Variants in MID1 observed in about 807,000 individuals in gnomAD.
MID1 encodes the protein E3 ubiquitin-protein ligase Midline-1.
A neutral mutation model predicts 40.4 loss-of-function variants in MID1; 7 were observed. The observed-to-expected ratio is 0.17, with a 90% CI of 0.10 to 0.33. The LOEUF is 0.33. MID1 is among the 10% of genes least tolerant of loss of function. The pLI is 1.00. For missense variants in MID1, 367 were observed against 558.5 expected, an observed-to-expected ratio of 0.66 and a Z score of 3.46; for synonymous variants, 229 against 221.2, an observed-to-expected ratio of 1.04 and a Z score of -0.31.
chrX:10,749,932 C>T (rs59168213), intron 1 of MID1, among the ~76,000 whole-genome samples: 3,474 of 111,277 alleles, frequency 0.031, 111 homozygotes, highest in African/African-American at 0.11. Context: ...GAGATTTGGG[C>T]GGGGACACAT....
At chrX:10,526,135 C>G (rs1182898859) in intron 2 of MID1, among the ~76,000 whole-genome samples, 1 of 111,988 alleles carries the variant, frequency 8.9e-6, no homozygotes, top group East Asian at 2.8e-4. Context: ...GTCTTGGAAT[C>G]ACTCAAAACA....
At chrX:10,584,378 C>T (rs1422400943) in intron 1 of MID1, among the ~76,000 whole-genome samples, 1 of 111,619 alleles carries the variant, frequency 9.0e-6, no homozygotes, top group Non-Finnish European at 1.9e-5. Context: ...TGAAAATAAC[C>T]ATGGATGTAC....
At chrX:10,707,106 C>T (rs1002530534) in intron 1 of MID1, among the ~76,000 whole-genome samples, 2 of 111,765 alleles carry the variant, frequency 1.8e-5, no homozygotes, top group African/African-American at 6.5e-5. Flanking sequence ...GGCAGGTTAA[C>T]TCTTGCGATC....
Position 10,828,917 on chromosome X carries a change from C to T in MID1, c.-187+4637G>A, listed in dbSNP as rs144727690. ...ACCATTTTCAATACTCATAACCGTC[C>T]AATGAAGTGTGTATTTATGTCTCCA... On this transcript the variant is annotated intron_variant, in intron 1 of 10. Coordinates refer to the MID1 transcript ENST00000380785. 7.8e-3 allele frequency among the ~76,000 whole-genome samples: 875 copies of T among 112,111 alleles called. 9 individuals carry two copies. Among genetic ancestry groups the T allele is most frequent in the African/African-American group, 0.027 (822 of 30,879 alleles).
chrX:10,580,616 A>G (rs766523626), intron 1 of MID1, among the ~76,000 whole-genome samples: 4 of 111,775 alleles, frequency 3.6e-5, no homozygotes, highest in Non-Finnish European at 7.5e-5. Flanking sequence ...GACTTATCAC[A>G]TAAGAATTAT....
chrX:10,751,196 C>T (rs1262912037), intron 1 of MID1, among the ~76,000 whole-genome samples: 1 of 108,457 alleles, frequency 9.2e-6, no homozygotes, highest in Non-Finnish European at 1.9e-5. Flanking sequence ...ACCCAGGAGG[C>T]GGAGATTGCA....
At chrX:10,783,424 C>T (rs1317726047) in intron 1 of MID1, among the ~76,000 whole-genome samples, 1 of 111,222 alleles carries the variant, frequency 9.0e-6, no homozygotes, top group African/African-American at 3.3e-5. Flanking sequence ...TTTTCTAATT[C>T]TCTTATAGAA....
At chrX:10,589,816 G>A (rs1396970531) in intron 1 of MID1, 2 of 110,578 alleles carry the variant, frequency 1.8e-5, no homozygotes, top group Non-Finnish European at 3.8e-5. Context: ...TCAACCGTCT[G>A]TTAATCACCT....
chrX:10,667,304 G>C (rs377435640), intron 1 of MID1, among the ~76,000 whole-genome samples: 2 of 111,512 alleles, frequency 1.8e-5, no homozygotes, highest in African/African-American at 3.3e-5. Context: ...CTACATGAGT[G>C]GGGGTGGGGT....
chrX:10,779,145 G>A (rs1206302579), intron 1 of MID1, among the ~76,000 whole-genome samples: 1 of 112,554 alleles, frequency 8.9e-6, no homozygotes, highest in Non-Finnish European at 1.9e-5. Context: ...AAGGAAAATG[G>A]TAAGCAAAAG....
At chrX:10,507,692 T>C (rs752028641) in intron 3 of MID1, among the ~76,000 whole-genome samples, 2 of 112,099 alleles carry the variant, frequency 1.8e-5, no homozygotes, top group Admixed American at 1.9e-4. Context: ...AAACCATCTT[T>C]CTCTGGCAAA....
chrX:10,619,596 T>C (rs1214312215), intron 1 of MID1, among the ~76,000 whole-genome samples: 4 of 112,601 alleles, frequency 3.6e-5, no homozygotes, highest in Non-Finnish European at 7.5e-5. Context: ...CTTCCTGGAC[T>C]GATAAGGAAT....
chrX:10,793,907 T>C (rs1176956567), intron 1 of MID1, among the ~76,000 whole-genome samples: 2 of 111,498 alleles, frequency 1.8e-5, no homozygotes, highest in Non-Finnish European at 3.8e-5. Flanking sequence ...TCTGATATTC[T>C]TCCTTCCATC....
At chrX:10,516,431 T>C (rs1433982771) in intron 3 of MID1, among the ~76,000 whole-genome samples, 4 of 110,174 alleles carry the variant, frequency 3.6e-5, no homozygotes, top group African/African-American at 1.3e-4. Flanking sequence ...CCTGACCTCG[T>C]GATCCACCCA....
At chrX:10,699,547 C>T (rs1439277390) in intron 1 of MID1, among the ~76,000 whole-genome samples, 1 of 111,579 alleles carries the variant, frequency 9.0e-6, no homozygotes, top group Non-Finnish European at 1.9e-5. Context: ...CACTTGTTTT[C>T]TCTGGCCCTG....
At chrX:10,550,715 T>C (rs1005467529) in intron 2 of MID1, among the ~76,000 whole-genome samples, 2 of 111,994 alleles carry the variant, frequency 1.8e-5, no homozygotes, top group Non-Finnish European at 3.8e-5. Context: ...TTGGCACCAA[T>C]GACATTTGGG....
At chrX:10,650,595 T>C (rs980442623) in intron 1 of MID1, among the ~76,000 whole-genome samples, 11 of 111,396 alleles carry the variant, frequency 9.9e-5, no homozygotes, top group Admixed American at 7.6e-4. Context: ...TTCCAGACCA[T>C]TGTATGTTCT....
intron 1 of MID1, among the ~76,000 whole-genome samples, chrX:10,691,654 T>C (rs1404069465): frequency 8.9e-6 from 1 of 111,849 alleles, no homozygotes; most frequent in Non-Finnish European, 1.9e-5. Flanking sequence ...GTAAAATATG[T>C]GTGTTTAAAC....
At chrX:10,683,768 A>ATTTT (rs2043074650) in intron 1 of MID1, among the ~76,000 whole-genome samples, 1 of 72,994 alleles carries the variant, frequency 1.4e-5, no homozygotes, top group African/African-American at 7.3e-5. Context: ...ATTGCACGTC[A>ATTTT]TCTTTTTTTT....
Sources: allele counts gnomAD v4.1 joint callset (sites outside exome capture counted in the v4.1 genomes callset), GRCh38; gene constraint gnomAD v4.1.1; transcripts MANE v1.5; gene names NCBI Gene and HGNC (gene_info 2026-07-23, HGNC 2026-07-21).